The following CACNA1D variants were observed in gnomAD, a reference collection of about 807,000 sequenced individuals.
CACNA1D encodes the protein calcium voltage-gated channel subunit alpha1 D.
In CACNA1D, 55 loss-of-function variants were observed where a neutral mutation model predicts 257.1. The ratio of observed to expected loss-of-function variants is 0.21; its 90% CI spans 0.17 to 0.27. The LOEUF (loss-of-function observed/expected upper bound fraction) is 0.27. CACNA1D is among the 10% of genes least tolerant of loss of function. CACNA1D has a pLI of 1.00. For missense variants in CACNA1D, 1,876 were observed against 2,784.0 expected (o/e 0.67, Z 7.34); for synonymous variants, 980 against 1,014.9 (o/e 0.97, Z 0.65).
At chr3:53,548,373 A>ATTTTTTTTTTTTTT (rs1278474628) in intron 3 of CACNA1D, among the ~76,000 whole-genome samples, 1 of 127,468 alleles carries the variant, frequency 7.8e-6, no homozygotes, top group Non-Finnish European at 1.6e-5. Context: ...TTTTTTTTTA[A>ATTTTTTTTTTTTTT]AAATTATCTT....
intron 17 of CACNA1D, 119 bp downstream of exon 17, chr3:53,731,265 G>GCCATATTCTTCACACC: frequency 1.3e-6 from 1 of 760,366 alleles, no homozygotes; most frequent in Non-Finnish European, 2.3e-6. Context: ...ATTTTGGTGT[G>GCCATATTCTTCACACC]AAGAATATGG....
rs376579692 is a variant in CACNA1D at position 53,798,488 on chromosome 3, C to T, written c.4924-1761C>T. Among the ~76,000 whole-genome samples the T allele has an allele frequency of 1.2e-4, 18 of 152,298 alleles. No homozygotes were observed. In the South Asian group the frequency reaches 2.1e-3, roughly 18 times the overall value. On this transcript the variant is annotated intron_variant, in intron 40 of 47. Transcript: ENST00000350061. ...CCCCAAGAACTGTCTTGGTTTGACC[C>T]GGGACATGACTGTCTGTCCCCTATA...
chr3:53,675,465 G>A (rs980096364), intron 8 of CACNA1D, among the ~76,000 whole-genome samples: 1 of 152,162 alleles, frequency 6.6e-6, no homozygotes, highest in Non-Finnish European at 1.5e-5. Context: ...CTAAACTGAC[G>A]GAGGCCATGG....
chr3:53,718,447 T>TG (rs2094843694), intron 10 of CACNA1D, 59 bp downstream of exon 10: 22 of 1,498,866 alleles, frequency 1.5e-5, no homozygotes, highest in Non-Finnish European at 2.0e-5. Flanking sequence ...AAGCAGGTGG[T>TG]GAGGAAGACC....
rs58714566 is a variant in CACNA1D, at chr3:53,734,016, GTATATATATATATA to G, written c.2621+1074_2621+1087del. On this transcript the variant is annotated intron_variant, in intron 19 of 47. Coordinates refer to ENST00000350061, the MANE Select transcript of CACNA1D (RefSeq NM_001128840.3). ...TACATATACATATATATATGTGTGT[GTATATATATATATA>G]TATATATATATATATATATGTTGAG... 3.2e-3 allele frequency among the ~76,000 whole-genome samples: 425 copies of G among 131,704 alleles called. 1 individual carries two copies. The highest frequency in any genetic ancestry group is 0.012 in the African/African-American group (389 of 33,730). The allele number at this position is 131,704 out of a possible 152,430, so 86.4% of individuals were successfully genotyped here. A position where few individuals can be genotyped will look rare whatever the true frequency, so the allele number is the denominator to read the frequency against.
At chr3:53,529,326 C>A (rs1484862408) in intron 3 of CACNA1D, among the ~76,000 whole-genome samples, 1 of 152,144 alleles carries the variant, frequency 6.6e-6, no homozygotes, top group Non-Finnish European at 1.5e-5. Context: ...GCATGTTAAA[C>A]CAATTTTGCA....
At chr3:53,649,468 T>C (rs898323161) in intron 3 of CACNA1D, among the ~76,000 whole-genome samples, 1 of 152,234 alleles carries the variant, frequency 6.6e-6, no homozygotes, top group African/African-American at 2.4e-5. Flanking sequence ...TGTCAGTTAC[T>C]ACTTTTGTGA....
chr3:53,673,698 C>G lies in CACNA1D; in HGVS notation c.1220+572C>G, dbSNP rs1465474918. 1 of 1,567,848 alleles carries G rather than the reference C, an allele frequency of 6.4e-7. No individual in the cohort carries two copies. ...TAAATGGATAACTGATAACTGATCT[C>G]CTTACATTTTACAGGTAAATGATGC... On this transcript the variant is annotated intron_variant, in intron 8 of 47. Coordinates refer to ENST00000350061, the MANE Select transcript of CACNA1D (RefSeq NM_001128840.3). This position sits in a 1 kb window ranked among gnomAD's most constrained non-coding sequence, Gnocchi z 4.1.
At chr3:53,528,366 T>G (rs2091835666) in intron 3 of CACNA1D, among the ~76,000 whole-genome samples, 1 of 152,232 alleles carries the variant, frequency 6.6e-6, no homozygotes, top group Non-Finnish European at 1.5e-5. Flanking sequence ...TTCTAGGGTC[T>G]CTGTTCTGTT....
rs2109110418 is a variant in CACNA1D at position 53,786,955 on chromosome 3, G to A, written c.4923+3G>A. 2 of 1,613,930 alleles carry A rather than the reference G, an allele frequency of 1.2e-6. No individual in the cohort carries two copies. Among genetic ancestry groups the A allele is most frequent in the Non-Finnish European group, 1.7e-6 (2 of 1,179,808 alleles). ...AGAACACCACAATTGCCCTACAGGTGAATTGTTGTCTCATTTTGTTTTCTC... is the reference window on the plus strand; with the variant it reads ...AGAACACCACAATTGCCCTACAGGTAAATTGTTGTCTCATTTTGTTTTCTC... On this transcript the variant is annotated splice_donor_region_variant and intron_variant, in intron 40 of 47. Transcript: ENST00000350061.
At chr3:53,530,972 C>A (rs745770054) in intron 3 of CACNA1D, among the ~76,000 whole-genome samples, 1 of 151,822 alleles carries the variant, frequency 6.6e-6, no homozygotes, top group Non-Finnish European at 1.5e-5. Context: ...CTCAGCCTCC[C>A]GAGTAGCTGG....
At chr3:53,634,245 G>A (rs2093855579) in intron 3 of CACNA1D, among the ~76,000 whole-genome samples, 1 of 152,168 alleles carries the variant, frequency 6.6e-6, no homozygotes, top group African/African-American at 2.4e-5. Flanking sequence ...GAGTATTAAT[G>A]AATTTTGAAT....
At chr3:53,649,482 T>C (rs995785324) in intron 3 of CACNA1D, among the ~76,000 whole-genome samples, 19 of 152,186 alleles carry the variant, frequency 1.2e-4, no homozygotes, top group Non-Finnish European at 1.5e-5. Context: ...TTTGTGACTC[T>C]TGAGAAATTC....
chr3:53,710,290 C>T (rs910188644), intron 9 of CACNA1D: 17 of 424,156 alleles, frequency 4.0e-5, no homozygotes, highest in Non-Finnish European at 6.3e-5. Context: ...GCGTCCATTG[C>T]GTGAGGCAAC....
At chr3:53,693,030 C>T (rs2094542167) in intron 8 of CACNA1D, among the ~76,000 whole-genome samples, 1 of 152,200 alleles carries the variant, frequency 6.6e-6, no homozygotes, top group Admixed American at 6.5e-5. Flanking sequence ...CAGCCGAGCC[C>T]AGACCCTGTC....
intron 3 of CACNA1D, among the ~76,000 whole-genome samples, chr3:53,586,486 G>C (rs985387397): frequency 1.3e-5 from 2 of 151,686 alleles, no homozygotes; most frequent in Non-Finnish European, 2.9e-5. Flanking sequence ...GATAAGAGCA[G>C]GTATCTTTAA....
chr3:53,525,793 GC>G (rs1387673084), intron 3 of CACNA1D, among the ~76,000 whole-genome samples: 1 of 152,108 alleles, frequency 6.6e-6, no homozygotes, highest in Non-Finnish European at 1.5e-5. Flanking sequence ...GTGTTTTAGA[GC>G]TCTGGTCCCA....
chr3:53,564,736 G>T (rs1318329853), intron 3 of CACNA1D, among the ~76,000 whole-genome samples: 4 of 152,154 alleles, frequency 2.6e-5, no homozygotes, highest in Non-Finnish European at 5.9e-5. Flanking sequence ...TTAGAGGCAA[G>T]TACTGTTGCT....
At position 53,627,097 on chromosome 3, in the gene CACNA1D, C is replaced by A. The variant is rs758447793; in HGVS notation, c.484-23682C>A. ...TCTCTAGCTGAAACTGGCCAGGCAG[C>A]AGCACCCTTGGTCTGACAGGCATCT... On this transcript the variant is annotated intron_variant, in intron 3 of 47. Coordinates refer to ENST00000350061, the MANE Select transcript of CACNA1D (RefSeq NM_001128840.3). Among the ~76,000 whole-genome samples, 30 of 152,234 alleles carry A rather than the reference C, an allele frequency of 2.0e-4. 1 individual carries two copies. The highest frequency in any genetic ancestry group is 3.9e-4 in the Admixed American group (6 of 15,292).
Sources: gnomAD v4.1 joint callset for allele counts (sites outside exome capture counted in the v4.1 genomes callset) on GRCh38, gnomAD v4.1.1 for gene constraint, Gnocchi (gnomAD v3.1) non-coding constraint, MANE v1.5 for transcripts, NCBI Gene and HGNC (gene_info 2026-07-23, HGNC 2026-07-21) for gene names.